NFIA: variants seen among roughly 807,000 people sequenced by gnomAD.
The protein encoded by NFIA is nuclear factor 1 A-type.
In NFIA, 8 loss-of-function variants were observed where a neutral mutation model predicts 62.8. The ratio of observed to expected loss-of-function variants is 0.13; its 90% CI spans 0.07 to 0.23. NFIA has a LOEUF of 0.23. NFIA is among the 10% of genes least tolerant of loss of function. The probability of loss-of-function intolerance (pLI) is 1.00; values close to 1 mark genes in which losing one functional copy is unlikely to be tolerated. For synonymous variants in NFIA, 235 were observed against 238.1 expected, an observed-to-expected ratio of 0.99 and a Z score of 0.12; for missense variants, 410 against 642.1, an observed-to-expected ratio of 0.64 and a Z score of 3.91.
At chr1:61,134,658 C>G (rs966958963) in intron 2 of NFIA, among the ~76,000 whole-genome samples, 1 of 152,108 alleles carries the variant, frequency 6.6e-6, no homozygotes. Context: ...TGCATTTTAA[C>G]ATAGTAAACT....
At chr1:61,335,855 A>G (rs926871930) in intron 4 of NFIA, among the ~76,000 whole-genome samples, 2 of 152,038 alleles carry the variant, frequency 1.3e-5, no homozygotes, top group Admixed American at 6.6e-5. Context: ...AAAAAAAAAG[A>G]AATAAGCTAA....
In NFIA at chr1:61,088,208, A is replaced by G. The variant is rs145384974; in HGVS notation, c.87A>G (p.Thr29=). The G allele has an allele frequency of 4.3e-6, 7 of 1,613,572 alleles. No individual in the cohort carries two copies. Among genetic ancestry groups the G allele is most frequent in the Admixed American group, 1.7e-5 (1 of 59,916 alleles). The change falls in exon 2 of 11, where the codon ACA becomes ACG. Residue 29 remains threonine, a synonymous_variant. Coordinates refer to ENST00000403491, the MANE Select transcript of NFIA (RefSeq NM_001134673.4). This position sits in a 1 kb window ranked among gnomAD's most constrained non-coding sequence, Gnocchi z 4.5. ...LLPHVRAFAY[T]WFNLQARKRK... Reference sequence around the variant, plus strand: ...CCCACGTCCGAGCCTTTGCCTACACATGGTTCAACCTGCAGGCCCGAAAAC... The same window carrying G: ...CCCACGTCCGAGCCTTTGCCTACACGTGGTTCAACCTGCAGGCCCGAAAAC...
chr1:61,233,698 C>A (rs910623561), intron 2 of NFIA, among the ~76,000 whole-genome samples: 8 of 152,162 alleles, frequency 5.3e-5, no homozygotes, highest in African/African-American at 1.9e-4. Flanking sequence ...ATAGTAACCA[C>A]CTCAAAGAGG....
chr1:61,374,945 T>C (rs753773971), intron 6 of NFIA, among the ~76,000 whole-genome samples: 1 of 152,208 alleles, frequency 6.6e-6, no homozygotes, highest in Non-Finnish European at 1.5e-5. Flanking sequence ...TAGAATGAAC[T>C]CTAATGGATT....
chr1:61,291,510 G>A (rs1169122151), intron 3 of NFIA, among the ~76,000 whole-genome samples: 1 of 152,144 alleles, frequency 6.6e-6, no homozygotes. Context: ...ACTATGTACT[G>A]TAAACTTTAG....
chr1:61,240,179 T>C (rs557338987), intron 2 of NFIA, among the ~76,000 whole-genome samples: 95 of 152,252 alleles, frequency 6.2e-4, no homozygotes, highest in Non-Finnish European at 1.2e-3. Flanking sequence ...TTGTTGAATT[T>C]CAATAGAAAT....
intron 2 of NFIA, among the ~76,000 whole-genome samples, chr1:61,201,529 AAAAG>A (rs1365146533): frequency 1.3e-5 from 2 of 152,018 alleles, no homozygotes; most frequent in Admixed American, 1.3e-4. Context: ...ACAAAAAAAA[AAAAG>A]GAAAAAGGAA....
At chr1:61,441,383 G>A (rs1397857781) in intron 10 of NFIA, among the ~76,000 whole-genome samples, 1 of 150,286 alleles carries the variant, frequency 6.7e-6, no homozygotes, top group Non-Finnish European at 1.5e-5. Flanking sequence ...TATGCTCCTG[G>A]ACAGCTTTTT....
intron 6 of NFIA, among the ~76,000 whole-genome samples, chr1:61,361,077 A>G (rs1663264902): frequency 6.6e-6 from 1 of 152,142 alleles, no homozygotes; most frequent in Non-Finnish European, 1.5e-5. Context: ...TAAGCAGATC[A>G]TTATACGGTG....
rs879680793 is a variant in NFIA, at chr1:61,162,816, C to T, written c.559+74136C>T. Among the ~76,000 whole-genome samples the T allele has an allele frequency of 1.7e-3, 246 of 148,792 alleles. 5 individuals carry two copies. Among genetic ancestry groups the T allele is most frequent in the Non-Finnish European group, 2.0e-3 (132 of 67,674 alleles). ...AACATAATCCATAAAACTCTTTCAA[C>T]CTTTTTTTTTTTTTTTGCATGTCTA... is the stretch of plus-strand genomic sequence containing the variant. On this transcript the variant is annotated intron_variant, in intron 2 of 10. Transcript: ENST00000403491.
chr1:61,398,619 T>G (rs1190860348), intron 7 of NFIA, among the ~76,000 whole-genome samples: 2 of 152,260 alleles, frequency 1.3e-5, no homozygotes, highest in African/African-American at 4.8e-5. Flanking sequence ...CTTCGTGATG[T>G]TAAAAGATAT....
At chr1:61,397,030 C>T (rs764098289) in intron 7 of NFIA, among the ~76,000 whole-genome samples, 5 of 151,764 alleles carry the variant, frequency 3.3e-5, no homozygotes, top group African/African-American at 4.8e-5. Context: ...TAATAATGCC[C>T]GGTTGGCAGG....
At chr1:61,319,489 T>A (rs542149721) in intron 3 of NFIA, among the ~76,000 whole-genome samples, 2 of 152,162 alleles carry the variant, frequency 1.3e-5, no homozygotes, top group Admixed American at 1.3e-4. Context: ...AGAAGTAAGA[T>A]CCCCACTTTA....
intron 2 of NFIA, among the ~76,000 whole-genome samples, chr1:61,193,628 G>T (rs569165301): frequency 1.2e-4 from 19 of 152,336 alleles, no homozygotes; most frequent in African/African-American, 3.6e-4. Context: ...GTAGAAAAGA[G>T]ATGAAGGATT....
intron 2 of NFIA, among the ~76,000 whole-genome samples, chr1:61,200,446 C>A (rs1369234127): frequency 6.6e-6 from 1 of 152,188 alleles, no homozygotes; most frequent in South Asian, 2.1e-4. Context: ...TTAATTGATC[C>A]ATTCTTTAGA....
intron 2 of NFIA, among the ~76,000 whole-genome samples, chr1:61,136,465 A>G (rs111469677): frequency 4.5e-4 from 68 of 152,388 alleles, no homozygotes; most frequent in African/African-American, 1.5e-3. Context: ...AAGGCAATCA[A>G]CATTAGGGCT....
At chr1:61,330,050 A>G (rs991493604) in intron 3 of NFIA, among the ~76,000 whole-genome samples, 5 of 152,188 alleles carry the variant, frequency 3.3e-5, no homozygotes, top group African/African-American at 9.6e-5. Flanking sequence ...CCAAAAAACT[A>G]GATGAGTGGC....
intron 2 of NFIA, chr1:61,251,160 T>G (rs1656010497): frequency 6.6e-6 from 1 of 152,236 alleles, no homozygotes; most frequent in African/African-American, 2.4e-5. Context: ...CATATGAAAT[T>G]GATTTAACTA....
intron 2 of NFIA, among the ~76,000 whole-genome samples, chr1:61,205,684 G>C (rs1652845565): frequency 6.6e-6 from 1 of 152,148 alleles, no homozygotes; most frequent in Admixed American, 6.5e-5. Context: ...AAGTCAGAAA[G>C]TTGTGAGACT....
Sources: allele counts gnomAD v4.1 joint callset (sites outside exome capture counted in the v4.1 genomes callset), GRCh38; gene constraint gnomAD v4.1.1; non-coding constraint Gnocchi (gnomAD v3.1); transcripts MANE v1.5; gene names NCBI Gene and HGNC (gene_info 2026-07-23, HGNC 2026-07-21).